NYAP1: variants seen among roughly 807,000 people sequenced by gnomAD.
The protein encoded by NYAP1 is neuronal tyrosine phosphorylated phosphoinositide-3-kinase adaptor 1, also known as neuronal tyrosine-phosphorylated phosphoinositide-3-kinase adapter 1.
NYAP1 carries 20 observed loss-of-function variants against 58.6 expected under a neutral mutation model. That is an observed-to-expected ratio of 0.34 (90% CI 0.24 to 0.50). NYAP1 has a LOEUF of 0.50. NYAP1 is among the 20% of genes least tolerant of loss of function. The probability of loss-of-function intolerance (pLI) is 0.98; values close to 1 mark genes in which losing one functional copy is unlikely to be tolerated. For missense variants in NYAP1, 1,150 were observed against 1,194.5 expected, an observed-to-expected ratio of 0.96 and a Z score of 0.55; for synonymous variants, 572 against 523.1, an observed-to-expected ratio of 1.09 and a Z score of -1.27.
At position 100,487,560 on chromosome 7, in the gene NYAP1, G is replaced by A. The variant is rs1471519296; in HGVS notation, c.430+378G>A. On this transcript the variant is annotated intron_variant, in intron 3 of 6. Transcript: ENST00000300179. This position sits in a 1 kb window ranked among gnomAD's most constrained non-coding sequence, Gnocchi z 4.1. Reference sequence around the variant, plus strand: ...TCTGTTGCCCAGGCAGGAGTGCAGTGGTGCGATCTCAGCTCACTGCATCCT... The same window carrying A: ...TCTGTTGCCCAGGCAGGAGTGCAGTAGTGCGATCTCAGCTCACTGCATCCT... Among the ~76,000 whole-genome samples, 1 of 152,108 alleles carries A rather than the reference G, an allele frequency of 6.6e-6. No homozygotes were observed. Among genetic ancestry groups the A allele is most frequent in the Non-Finnish European group, 1.5e-5 (1 of 67,996 alleles).
chr7:100,490,916 A>G lies in NYAP1; in HGVS notation c.2159-70A>G. ...GGGGCAGCCTGGACCATTCAAGGGCAGGGGACTGGGAACTAGGGGAGGGGT... is the reference window on the plus strand; with the variant it reads ...GGGGCAGCCTGGACCATTCAAGGGCGGGGGACTGGGAACTAGGGGAGGGGT... On this transcript the variant is annotated intron_variant, in intron 5 of 6. Coordinates refer to ENST00000300179, the MANE Select transcript of NYAP1 (RefSeq NM_173564.4). This position sits in a 1 kb window ranked among gnomAD's most constrained non-coding sequence, Gnocchi z 4.6. 1 of 1,141,336 alleles carries G rather than the reference A, an allele frequency of 8.8e-7. No homozygotes were observed. The highest frequency in any genetic ancestry group is 1.5e-5 in the South Asian group (1 of 68,182). The allele number at this position is 1,141,336 out of a possible 1,614,324, so 70.7% of individuals were successfully genotyped here.
At position 100,489,192 on chromosome 7, in the gene NYAP1, G is replaced by A; in HGVS notation, c.1471G>A (p.Glu491Lys). 1 of 1,610,966 alleles carries A rather than the reference G, an allele frequency of 6.2e-7. No individual in the cohort carries two copies. Residue 491 changes from glutamate to lysine, a missense_variant, in exon 4 of 7, where the codon GAG (glutamate) becomes AAG (lysine). By Grantham distance (56) the Glu-to-Lys change is moderately conservative (BLOSUM62 1). Coordinates refer to ENST00000300179, the MANE Select transcript of NYAP1 (RefSeq NM_173564.4). ...LGAGEPKTEK[E>K]ISVLHGMLCT... ...TGCTGGGGAGCCAAAGACGGAGAAG[G>A]AGATCTCGGTCCTCCATGGGATGCT...
chr7:100,490,721 G>A lies in NYAP1; in HGVS notation c.2150G>A (p.Arg717His), dbSNP rs760171960. The A allele has an allele frequency of 9.9e-6, 15 of 1,511,226 alleles. No homozygotes were observed. The highest frequency in any genetic ancestry group is 1.3e-5 in the South Asian group (1 of 76,388). 93.6% of individuals were successfully genotyped at this position (1,511,226 alleles called of 1,614,324 possible). ...IPCQTFPACH[R>H]NGDFTGGYRL... is the part of the protein sequence containing the mutation. ...TGCCAGACCTTCCCCGCCTGCCACCGCAATGGAGGTGACGCGGCCTGCACA... is the reference window on the plus strand; with the variant it reads ...TGCCAGACCTTCCCCGCCTGCCACCACAATGGAGGTGACGCGGCCTGCACA... Residue 717 changes from arginine (R) to histidine (H), a missense_variant, in exon 5 of 7, where the codon CGC (arginine) becomes CAC (histidine). Coordinates refer to ENST00000300179, the MANE Select transcript of NYAP1 (RefSeq NM_173564.4). This position sits in a 1 kb window ranked among gnomAD's most constrained non-coding sequence, Gnocchi z 4.6.
chr7:100,492,726 C>T (rs1212509835), intron 6 of NYAP1, among the ~76,000 whole-genome samples: 1 of 152,138 alleles, frequency 6.6e-6, no homozygotes, highest in African/African-American at 2.4e-5. Flanking sequence ...TAGGGAGACC[C>T]TGTCTTTACA....
Position 100,487,012 on chromosome 7 carries a change from C to A in NYAP1, c.260C>A (p.Ser87Ter). The A allele has an allele frequency of 6.2e-7, 1 of 1,609,242 alleles. No individual in the cohort carries two copies. The highest frequency in any genetic ancestry group is 8.5e-7 in the Non-Finnish European group (1 of 1,177,966). ...AMAPRSLSCH[S>*]VGSMDSVGGG... The stretch of plus-strand genomic sequence containing the variant: ...GCCCCACGCTCCCTCTCCTGCCACT[C>A]GGTGGGCAGCATGGACAGTGTCGGG... Residue 87 changes from serine to a stop codon, truncating the protein, a stop_gained, in exon 3 of 7, where the codon TCG becomes TAG. Transcript: ENST00000300179. LOFTEE classifies it high-confidence loss of function. This position sits in a 1 kb window ranked among gnomAD's most constrained non-coding sequence, Gnocchi z 4.1.
In NYAP1 at chr7:100,489,435, G is replaced by A. The variant is rs199772550; in HGVS notation, c.1714G>A (p.Val572Met). The A allele has an allele frequency of 6.2e-5, 100 of 1,612,950 alleles. 1 individual carries two copies. In the East Asian group the frequency reaches 1.9e-3, roughly 31 times the overall value. ...CTATGAGAGCCTCAAGGCTGGGGGGGTGCTGAATAAGGGCTGTGGTGTGGG... is the reference window on the plus strand; with the variant it reads ...CTATGAGAGCCTCAAGGCTGGGGGGATGCTGAATAAGGGCTGTGGTGTGGG... ...PAYESLKAGGVLNKGCGVGAP... is the reference protein window; with the variant it reads ...PAYESLKAGGMLNKGCGVGAP... The change falls in exon 4 of 7, where the codon GTG (valine) becomes ATG (methionine). Residue 572 changes from valine (V) to methionine (M), a missense_variant. Physicochemically the swap from Val to Met is conservative, Grantham distance 21 (BLOSUM62 1). Transcript: ENST00000300179.
chr7:100,489,164 G>C lies in NYAP1; in HGVS notation c.1443G>C (p.Leu481=). Residue 481 remains leucine, a synonymous_variant, in exon 4 of 7, where the codon CTG becomes CTC. Coordinates refer to ENST00000300179, the MANE Select transcript of NYAP1 (RefSeq NM_173564.4). ...CTGTCCTGCCAGCTGGTCCACCCCT[G>C]GGTGCTGGGGAGCCAAAGACGGAGA... The part of the protein sequence containing the change: ...THSVLPAGPP[L]GAGEPKTEKE... 1 of 1,610,632 alleles carries C rather than the reference G, an allele frequency of 6.2e-7. No individual in the cohort carries two copies. Among genetic ancestry groups the C allele is most frequent in the Non-Finnish European group, 8.5e-7 (1 of 1,178,968 alleles).
chr7:100,494,161 C>G lies in NYAP1; in HGVS notation c.*258C>G. 2 of 448,846 alleles carry G rather than the reference C, an allele frequency of 4.5e-6. No homozygotes were observed. 27.8% of individuals were successfully genotyped at this position (448,846 alleles called of 1,614,324 possible). A position where few individuals can be genotyped will look rare whatever the true frequency, so the allele number is the denominator to read the frequency against. On this transcript the variant is annotated 3_prime_UTR_variant, in exon 7 of 7. Coordinates refer to ENST00000300179, the MANE Select transcript of NYAP1 (RefSeq NM_173564.4). The stretch of plus-strand genomic sequence containing the variant: ...GGCGAGAGTCGCTCTGGCTGTTCTT[C>G]CCGCTGGGCGTTGTACACCCCTCCT...
rs1280512432 is a variant in NYAP1 at position 100,489,535 on chromosome 7, G to A, written c.1814G>A (p.Cys605Tyr). 1.9e-6 allele frequency: 3 copies of A among 1,613,470 alleles called. No individual in the cohort carries two copies. The highest frequency in any genetic ancestry group is 1.7e-6 in the Non-Finnish European group (2 of 1,179,996). Residue 605 changes from cysteine (C) to tyrosine (Y), a missense_variant, in exon 4 of 7, where the codon TGT becomes TAT. Transcript: ENST00000300179. ...GGGGGTGCTTTTGCCAGCATCTCCT[G>A]TGCCCACGTCATCGCCAGCGCAGGG... ...TDGGAFASIS[C>Y]AHVIASAGTP...
chr7:100,489,596 G>A lies in NYAP1; in HGVS notation c.1875G>A (p.Ala625=), dbSNP rs764741180. The change falls in exon 4 of 7, where the codon GCG becomes GCA. Residue 625 remains alanine (A), a synonymous_variant. Coordinates refer to ENST00000300179, the MANE Select transcript of NYAP1 (RefSeq NM_173564.4). ...PEEEEEEVGA[A]TFGAGWALQR... ...AGGAAGAAGAGGAGGTGGGCGCCGCGACATTTGGGGCAGGCTGGGCCCTGC... is the reference window on the plus strand; with the variant it reads ...AGGAAGAAGAGGAGGTGGGCGCCGCAACATTTGGGGCAGGCTGGGCCCTGC... The A allele has an allele frequency of 5.6e-6, 9 of 1,609,848 alleles. No homozygotes were observed. The highest frequency in any genetic ancestry group is 1.1e-5 in the South Asian group (1 of 90,994).
rs745333637 is a variant in NYAP1, at chr7:100,488,616, G to A, written c.895G>A (p.Ala299Thr). 6.2e-7 allele frequency: 1 copy of A among 1,609,896 alleles called. No homozygotes were observed. The highest frequency in any genetic ancestry group is 1.1e-5 in the South Asian group (1 of 90,860). Residue 299 changes from alanine (A) to threonine (T), a missense_variant, in exon 4 of 7, where the codon GCC becomes ACC. Physicochemically the swap from Ala to Thr is moderately conservative, Grantham distance 58. Transcript: ENST00000300179. The surrounding 1 kb of genome is among the most constrained non-coding windows in gnomAD (Gnocchi z 5.9). ...PQQPHALPPH[A>T]HRRPASALPS... Reference sequence around the variant, plus strand: ...ACAGCCTCACGCCCTTCCGCCCCATGCCCACCGCCGCCCAGCTTCAGCCCT... The same window carrying A: ...ACAGCCTCACGCCCTTCCGCCCCATACCCACCGCCGCCCAGCTTCAGCCCT...
At position 100,493,694 on chromosome 7, in the gene NYAP1, C is replaced by A; in HGVS notation, c.2317C>A (p.Arg773Ser). The change falls in exon 7 of 7, where the codon CGC becomes AGC. Residue 773 changes from arginine to serine, a missense_variant. By Grantham distance (110) the Arg-to-Ser change is moderately radical. Coordinates refer to ENST00000300179, the MANE Select transcript of NYAP1 (RefSeq NM_173564.4). Reference protein sequence around the residue: ...LPLPLPPQPARERDGKLLEVI... With the variant: ...LPLPLPPQPASERDGKLLEVI... ...TCTGCCCCTGCCGCCCCAGCCGGCCCGCGAGCGTGACGGGAAGCTGCTGGA... is the reference window on the plus strand; with the variant it reads ...TCTGCCCCTGCCGCCCCAGCCGGCCAGCGAGCGTGACGGGAAGCTGCTGGA... The A allele has an allele frequency of 1.3e-6, 2 of 1,593,376 alleles. No homozygotes were observed. Among genetic ancestry groups the A allele is most frequent in the African/African-American group, 1.3e-5 (1 of 74,754 alleles).
rs1034518126 is a variant in NYAP1, at chr7:100,485,902, C to T, written c.68+523C>T. Among the ~76,000 whole-genome samples, 2 of 152,224 alleles carry T rather than the reference C, an allele frequency of 1.3e-5. No homozygotes were observed. Among genetic ancestry groups the T allele is most frequent in the East Asian group, 3.9e-4 (2 of 5,172 alleles). On this transcript the variant is annotated intron_variant, in intron 2 of 6. Coordinates refer to ENST00000300179, the MANE Select transcript of NYAP1 (RefSeq NM_173564.4). This position sits in a 1 kb window ranked among gnomAD's most constrained non-coding sequence, Gnocchi z 5.7. Reference sequence around the variant, plus strand: ...GCCAGGGCAGGGGACGACCTCCAGACCCCTGCAATCCCTGTCTGCCTCCCC... The same window carrying T: ...GCCAGGGCAGGGGACGACCTCCAGATCCCTGCAATCCCTGTCTGCCTCCCC...
In NYAP1 at chr7:100,493,648, C is replaced by A; in HGVS notation, c.2271C>A (p.Pro757=). 6.3e-7 allele frequency: 1 copy of A among 1,576,710 alleles called. No homozygotes were observed. Among genetic ancestry groups the A allele is most frequent in the Non-Finnish European group, 8.6e-7 (1 of 1,167,738 alleles). Residue 757 remains proline (P), a splice_region_variant and synonymous_variant, in exon 7 of 7, where the codon CCC becomes CCA. Transcript: ENST00000300179. ...TTTCTCCCCCGCCCGCGGCACAGCC[C>A]CACCCCGCGCTGCCGCTGCCTCTGC... is the stretch of plus-strand genomic sequence containing the variant. ...CSQPRDALSQ[P]HPALPLPLPL... is the part of the protein sequence containing the mutation.
chr7:100,484,188 C>A (rs987859286), intron 1 of NYAP1, among the ~76,000 whole-genome samples, 187 bp downstream of exon 1: 1 of 151,444 alleles, frequency 6.6e-6, no homozygotes, highest in African/African-American at 2.4e-5. Context: ...AGGTTTGGAA[C>A]AGGGGAAGGG....
intron 6 of NYAP1, among the ~76,000 whole-genome samples, chr7:100,491,877 T>A (rs538594701): frequency 3.3e-5 from 5 of 152,218 alleles, no homozygotes; most frequent in African/African-American, 1.2e-4. Flanking sequence ...TGAAATCCCA[T>A]CTGTACTAAA....
rs1799762597 is a variant in NYAP1 at position 100,489,533 on chromosome 7, C to T, written c.1812C>T (p.Ser604=). ...GTDGGAFASI[S]CAHVIASAGT... is the part of the protein sequence containing the mutation. ...ATGGGGGTGCTTTTGCCAGCATCTC[C>T]TGTGCCCACGTCATCGCCAGCGCAG... Residue 604 remains serine, a synonymous_variant, in exon 4 of 7, where the codon TCC becomes TCT. Transcript: ENST00000300179. The T allele has an allele frequency of 1.9e-6, 3 of 1,613,464 alleles. No homozygotes were observed. The highest frequency in any genetic ancestry group is 2.5e-6 in the Non-Finnish European group (3 of 1,179,998).
In NYAP1 at chr7:100,486,869, C is replaced by G; in HGVS notation, c.117C>G (p.Gly39=). ...CTGGCTCGGCTGGGCCCGCGGCCGG[C>G]CAGGGGCCTGGGGTCCGCGTGCGGG... ...APAGSAGPAA[G]QGPGVRVRDI... Residue 39 remains glycine, a synonymous_variant, in exon 3 of 7, where the codon GGC becomes GGG. Coordinates refer to ENST00000300179, the MANE Select transcript of NYAP1 (RefSeq NM_173564.4). This position sits in a 1 kb window ranked among gnomAD's most constrained non-coding sequence, Gnocchi z 6.2. 6.5e-7 allele frequency: 1 copy of G among 1,545,120 alleles called. No homozygotes were observed. The highest frequency in any genetic ancestry group is 8.7e-7 in the Non-Finnish European group (1 of 1,150,358).
In NYAP1 at chr7:100,490,374, T is replaced by G; in HGVS notation, c.1946-143T>G. ...TGTGTTTGTATGTATGTTGGGGGAG[T>G]GTGAAGGAGCCCCATCCCAGCCGTT... On this transcript the variant is annotated intron_variant, in intron 4 of 6. Transcript: ENST00000300179. This position sits in a 1 kb window ranked among gnomAD's most constrained non-coding sequence, Gnocchi z 4.6. 1.4e-6 allele frequency: 1 copy of G among 705,000 alleles called. No homozygotes were observed. Among genetic ancestry groups the G allele is most frequent in the Non-Finnish European group, 2.5e-6 (1 of 394,830 alleles). 43.7% of individuals were successfully genotyped at this position (705,000 alleles called of 1,614,324 possible). A position where few individuals can be genotyped will look rare whatever the true frequency, so the allele number is the denominator to read the frequency against.
Sources: allele counts gnomAD v4.1 joint callset (sites outside exome capture counted in the v4.1 genomes callset), GRCh38; gene constraint gnomAD v4.1.1; non-coding constraint Gnocchi (gnomAD v3.1); transcripts MANE v1.5; gene names NCBI Gene and HGNC (gene_info 2026-07-23, HGNC 2026-07-21).